The following PHYH variants were observed in gnomAD, a reference collection of about 807,000 sequenced individuals.
PHYH encodes the protein phytanoyl-CoA 2-hydroxylase, also known as phytanoyl-CoA dioxygenase, peroxisomal.
Under a neutral mutation model 38.5 loss-of-function variants are expected in PHYH, and 32 were observed. That is an observed-to-expected ratio of 0.83 (90% CI 0.63 to 1.12). The LOEUF (loss-of-function observed/expected upper bound fraction) is 1.12, where lower values mean the gene tolerates loss of function less well. Ranked by LOEUF, PHYH falls within the 50% of genes most tolerant of loss-of-function variation. PHYH has a pLI of 0.00. For missense variants in PHYH, 426 were observed against 434.8 expected (o/e 0.98, Z 0.18); for synonymous variants, 166 against 157.9 (o/e 1.05, Z -0.38).
At chr10:13,299,466 GCCGTAGTCCAGCAGGGAGGCCGC>G in intron 1 of PHYH, 2 of 1,002,680 alleles carry the variant, frequency 2.0e-6, no homozygotes, top group Non-Finnish European at 2.4e-6. Flanking sequence ...CAGTGGCAAT[GCCGTAGTCCAGCAGGGAGGCCGC>G]CCTGGGCAGC....
intron 2 of PHYH, among the ~76,000 whole-genome samples, chr10:13,296,829 C>T (rs902359506): frequency 6.6e-6 from 1 of 151,476 alleles, no homozygotes; most frequent in African/African-American, 2.4e-5. Flanking sequence ...GTGTCTGGCG[C>T]CTGTAGTCCA....
intron 5 of PHYH, 128 bp downstream of exon 5, chr10:13,291,703 C>T: frequency 1.4e-6 from 1 of 711,012 alleles, no homozygotes; most frequent in Non-Finnish European, 2.5e-6. Context: ...CACTCTCAAA[C>T]TCCTGGCCTC....
intron 8 of PHYH, 64 bp from the exon 9 acceptor site, chr10:13,278,418 A>G: frequency 9.7e-7 from 1 of 1,033,736 alleles, no homozygotes; most frequent in Non-Finnish European, 1.5e-6. Flanking sequence ...ATTAACCTTC[A>G]ATTTCACCAT....
intron 6 of PHYH, 104 bp downstream of exon 6, chr10:13,288,256 A>G: frequency 2.9e-6 from 3 of 1,033,722 alleles, no homozygotes; most frequent in Non-Finnish European, 4.5e-6. Flanking sequence ...TGTTTTGCTC[A>G]GAAAGGAAAT....
rs749408911 is a variant in PHYH, at chr10:13,295,510, A to G, written c.231T>C (p.Asp77=). ...TGTTACTGTACCGAAAGCGTTGAATATCGGCATCAGGTACAAGATTTTTGA... is the reference window on the plus strand; with the variant it reads ...TGTTACTGTACCGAAAGCGTTGAATGTCGGCATCAGGTACAAGATTTTTGA... ...LVIKNLVPDA[D]IQRFRNEFEK... is the part of the protein sequence containing the mutation. Residue 77 remains aspartate (D), a synonymous_variant, in exon 3 of 9, where the codon GAT becomes GAC. Transcript: ENST00000263038. The G allele has an allele frequency of 2.0e-6, 3 of 1,524,740 alleles. No homozygotes were observed. Among genetic ancestry groups the G allele is most frequent in the Non-Finnish European group, 2.7e-6 (3 of 1,098,596 alleles). The allele number at this position is 1,524,740 out of a possible 1,614,324, so 94.5% of individuals were successfully genotyped here.
chr10:13,286,740 C>T (rs1835561015), intron 6 of PHYH, among the ~76,000 whole-genome samples: 1 of 150,500 alleles, frequency 6.6e-6, no homozygotes, highest in Non-Finnish European at 1.5e-5. Flanking sequence ...CTATCATACA[C>T]AACAGCATCA....
intron 2 of PHYH, among the ~76,000 whole-genome samples, chr10:13,296,747 C>CAGG (rs201791170): frequency 0.25 from 37,005 of 151,036 alleles, 5,013 homozygotes; most frequent in African/African-American, 0.35. Flanking sequence ...ATCACGAGGT[C>CAGG]AGATCGGGAC....
chr10:13,285,710 T>G (rs1033423709), intron 6 of PHYH, among the ~76,000 whole-genome samples: 3 of 151,546 alleles, frequency 2.0e-5, no homozygotes, highest in Non-Finnish European at 4.4e-5. Context: ...GTTCAAGCTA[T>G]TCTCCTGCCT....
At position 13,295,186 on chromosome 10, in the gene PHYH, G is replaced by T. The variant is rs564133933; in HGVS notation, c.245+310C>A. 4 of 336,896 alleles carry T rather than the reference G, an allele frequency of 1.2e-5. No homozygotes were observed. The South Asian group carries it at 1.3e-4, about 11-fold the overall frequency. 20.9% of individuals were successfully genotyped at this position (336,896 alleles called of 1,614,324 possible). A position where few individuals can be genotyped will look rare whatever the true frequency, so the allele number is the denominator to read the frequency against. On this transcript the variant is annotated intron_variant, in intron 3 of 8. Coordinates refer to ENST00000263038, the MANE Select transcript of PHYH (RefSeq NM_006214.4). ...AAAACAAAGAAATAAAAAATTAGCT[G>T]GGTATGGTGGTGCACAACTGTGGTC...
At chr10:13,281,992 T>C (rs1191863545) in intron 7 of PHYH, among the ~76,000 whole-genome samples, 1 of 152,184 alleles carries the variant, frequency 6.6e-6, no homozygotes, top group Non-Finnish European at 1.5e-5. Flanking sequence ...ATGCCTGTAA[T>C]TCCAGTACTC....
intron 1 of PHYH, 34 bp downstream of exon 1, chr10:13,299,934 A>T: frequency 6.7e-7 from 1 of 1,502,294 alleles, no homozygotes. Flanking sequence ...CCGGCGCCGG[A>T]TCCAGCCCGA....
chr10:13,298,723 CTACT>C (rs1267465037), intron 1 of PHYH, among the ~76,000 whole-genome samples: 18 of 82,022 alleles, frequency 2.2e-4, no homozygotes, highest in African/African-American at 6.7e-4. Flanking sequence ...ACCACCACTA[CTACT>C]ACTACTACTA....
chr10:13,277,802 G>C lies in PHYH; in HGVS notation c.*499C>G, dbSNP rs953706106. 1.1e-5 allele frequency: 2 copies of C among 180,964 alleles called. No individual in the cohort carries two copies. Among genetic ancestry groups the C allele is most frequent in the Non-Finnish European group, 2.3e-5 (2 of 85,918 alleles). 11.2% of individuals were successfully genotyped at this position (180,964 alleles called of 1,614,324 possible). ...AAATCACAGGAGAAAGCCCTTGTCC[G>C]AGCAGGAATATCCACTTTATTTGGA... On this transcript the variant is annotated 3_prime_UTR_variant, in exon 9 of 9. Transcript: ENST00000263038.
rs1044595726 is a variant in PHYH, at chr10:13,299,466, G to A, written c.75+502C>T. 8.0e-6 allele frequency: 8 copies of A among 1,002,562 alleles called. No individual in the cohort carries two copies. In the African/African-American group the frequency reaches 1.0e-4, roughly 13 times the overall value. 62.1% of individuals were successfully genotyped at this position (1,002,562 alleles called of 1,614,324 possible). On this transcript the variant is annotated intron_variant, in intron 1 of 8. Transcript: ENST00000263038. ...TGTCTTTATATAACTCAGTGGCAAT[G>A]CCGTAGTCCAGCAGGGAGGCCGCCC...
chr10:13,281,322 G>A (rs1030033068), intron 7 of PHYH, among the ~76,000 whole-genome samples: 6 of 151,764 alleles, frequency 4.0e-5, no homozygotes, highest in East Asian at 1.9e-4. Context: ...TCAAAAGATC[G>A]TTAACCAGAT....
intron 2 of PHYH, among the ~76,000 whole-genome samples, chr10:13,296,140 C>G (rs917286877): frequency 1.3e-5 from 2 of 152,188 alleles, no homozygotes; most frequent in South Asian, 4.1e-4. Context: ...TGCACTCCAG[C>G]CTGGGCGACA....
intron 3 of PHYH, 121 bp from the exon 4 acceptor site, chr10:13,294,717 G>C: frequency 1.3e-6 from 1 of 767,646 alleles, no homozygotes; most frequent in Admixed American, 2.0e-5. Context: ...TTGGCCTCCA[G>C]CTTGAGGTAG....
At chr10:13,284,799 G>C (rs536493918) in intron 6 of PHYH, among the ~76,000 whole-genome samples, 9 of 132,208 alleles carry the variant, frequency 6.8e-5, no homozygotes, top group African/African-American at 2.0e-4. Flanking sequence ...AGGAGTCAGG[G>C]TAAGGGAAGC....
intron 6 of PHYH, among the ~76,000 whole-genome samples, chr10:13,287,211 C>T (rs1241704260): frequency 2.0e-5 from 3 of 151,510 alleles, no homozygotes; most frequent in Non-Finnish European, 2.9e-5. Context: ...TGGTGGTGCG[C>T]GCCTATAATC....
Sources: gnomAD v4.1 joint callset for allele counts (sites outside exome capture counted in the v4.1 genomes callset) on GRCh38, gnomAD v4.1.1 for gene constraint, MANE v1.5 for transcripts, NCBI Gene and HGNC (gene_info 2026-07-23, HGNC 2026-07-21) for gene names.